HAS3: variants seen among roughly 807,000 people sequenced by gnomAD.
HAS3 encodes hyaluronan synthase 3.
Under a neutral mutation model 50.3 loss-of-function variants are expected in HAS3, and 27 were observed. The observed-to-expected ratio is 0.54, with a 90% CI of 0.40 to 0.74. HAS3 has a LOEUF of 0.74. Among genes scored for constraint, HAS3 ranks in the 30% least tolerant of loss-of-function variants. HAS3 has a pLI of 0.00. For synonymous variants in HAS3, 339 were observed against 310.9 expected, an observed-to-expected ratio of 1.09 and a Z score of -0.95; for missense variants, 517 against 742.8, an observed-to-expected ratio of 0.70 and a Z score of 3.53.
chr16:69,090,890 C>T, the HAS3 span, among the ~76,000 whole-genome samples: 1 of 152,130 alleles, frequency 6.6e-6, no homozygotes, highest in Non-Finnish European at 1.5e-5. Flanking sequence ...TATTAATTCC[C>T]TTGACCCTCA....
In HAS3 at chr16:69,113,478, CCAT is replaced by C; in HGVS notation, c.676_678del (p.Ile226del). The C allele has an allele frequency of 6.2e-7, 1 of 1,613,826 alleles. No homozygotes were observed. Among genetic ancestry groups the C allele is most frequent in the Non-Finnish European group, 8.5e-7 (1 of 1,179,860 alleles). ...GACACTGTGCTGGATCCAGCCTGCACCATCGAGATGCTTCGAGTCCTGGAGGAG... is the reference window on the plus strand; with the variant it reads ...GACACTGTGCTGGATCCAGCCTGCACCGAGATGCTTCGAGTCCTGGAGGAG... On this transcript the variant is annotated inframe_deletion, in exon 3 of 4. Coordinates refer to ENST00000569188, the MANE Select transcript of HAS3 (RefSeq NM_001199280.2).
the HAS3 span, chr16:69,083,491 A>C: frequency 2.5e-6 from 4 of 1,609,582 alleles, no homozygotes; most frequent in East Asian, 8.9e-5. Flanking sequence ...GCAGGTGCTG[A>C]GCGCCGTCCT....
chr16:69,104,490 G>A (rs1960735213), upstream of HAS3, among the ~76,000 whole-genome samples: 1 of 151,982 alleles, frequency 6.6e-6, no homozygotes, highest in African/African-American at 2.4e-5. Context: ...TAGAGATAGG[G>A]TTTCACCATA....
At chr16:69,101,341 C>CTGGAGT, upstream of HAS3, among the ~76,000 whole-genome samples, 1 of 152,286 alleles carries the variant, frequency 6.6e-6, no homozygotes, top group East Asian at 1.9e-4. Flanking sequence ...TACTCTGTCA[C>CTGGAGT]CCAGGCTGGA....
Position 69,109,362 on chromosome 16 carries a change from G to T in HAS3, c.1-34G>T, listed in dbSNP as rs747923933. The T allele has an allele frequency of 1.9e-6, 3 of 1,570,646 alleles. No homozygotes were observed. The highest frequency in any genetic ancestry group is 4.5e-5 in the East Asian group (2 of 44,634). ...CCACGGACTGGAAATGCTGCCTCCT[G>T]CCTGACCCTTCATCTCCTGCCTTCT... On this transcript the variant is annotated intron_variant, in intron 1 of 3. Transcript: ENST00000569188. The surrounding 1 kb of genome is among the most constrained non-coding windows in gnomAD (Gnocchi z 5.3).
chr16:69,112,589 C>G (rs1169499356), intron 2 of HAS3, among the ~76,000 whole-genome samples: 1 of 152,232 alleles, frequency 6.6e-6, no homozygotes, highest in Non-Finnish European at 1.5e-5. Flanking sequence ...TGTTGCTCTC[C>G]TAACAGTGAC....
At chr16:69,101,116 C>T (rs1960692460), upstream of HAS3, among the ~76,000 whole-genome samples, 1 of 152,264 alleles carries the variant, frequency 6.6e-6, no homozygotes, top group Admixed American at 6.5e-5. Context: ...GCAATCTACT[C>T]CTATCTTGCT....
chr16:69,100,117 C>T, the HAS3 span, among the ~76,000 whole-genome samples: 3 of 152,256 alleles, frequency 2.0e-5, no homozygotes, highest in East Asian at 5.8e-4. Flanking sequence ...CTAACGGCAG[C>T]ACAGGAAAGT....
Position 69,116,282 on chromosome 16 carries a change from T to A in HAS3, c.*1016T>A. 3.0e-6 allele frequency: 3 copies of A among 985,736 alleles called. No individual in the cohort carries two copies. Among genetic ancestry groups the A allele is most frequent in the Non-Finnish European group, 3.6e-6 (3 of 829,890 alleles). The allele number at this position is 985,736 out of a possible 1,614,324, so 61.1% of individuals were successfully genotyped here. On this transcript the variant is annotated 3_prime_UTR_variant, in exon 4 of 4. Transcript: ENST00000569188. ...TAGGTAAGGTTTTCAAGGTGGCAATTGGGGCGGAGCCCCGGCTCTTATAGA... is the reference window on the plus strand; with the variant it reads ...TAGGTAAGGTTTTCAAGGTGGCAATAGGGGCGGAGCCCCGGCTCTTATAGA...
upstream of HAS3, among the ~76,000 whole-genome samples, chr16:69,104,153 C>G (rs1045078627): frequency 6.6e-6 from 1 of 151,706 alleles, no homozygotes; most frequent in Non-Finnish European, 1.5e-5. Flanking sequence ...TGTAGTGGTT[C>G]GATCATAGCT....
chr16:69,104,745 A>G (rs1488075020), upstream of HAS3, among the ~76,000 whole-genome samples: 1 of 152,004 alleles, frequency 6.6e-6, no homozygotes, highest in Non-Finnish European at 1.5e-5. Context: ...TGCCTGGCCA[A>G]TAATGTAAGA....
the HAS3 span, among the ~76,000 whole-genome samples, chr16:69,090,849 A>G: frequency 6.6e-6 from 1 of 152,328 alleles, no homozygotes; most frequent in African/African-American, 2.4e-5. Flanking sequence ...CTGGGATTAC[A>G]GGTGTGAACC....
At chr16:69,101,206 G>A (rs962304835), upstream of HAS3, among the ~76,000 whole-genome samples, 7 of 152,152 alleles carry the variant, frequency 4.6e-5, no homozygotes, top group Non-Finnish European at 5.9e-5. Flanking sequence ...CCTCCACTCC[G>A]GTCCTAGCAT....
the HAS3 span, chr16:69,085,132 T>C: frequency 6.6e-6 from 1 of 152,392 alleles, no homozygotes; most frequent in Non-Finnish European, 1.5e-5. Flanking sequence ...GAATCTCCTT[T>C]GGGCCAGCTG....
chr16:69,118,198 A>G (rs1404247862), downstream of HAS3: 2 of 495,548 alleles, frequency 4.0e-6, no homozygotes, highest in African/African-American at 4.2e-5. Context: ...GATTGGGAGT[A>G]CCAGTGAAGA....
chr16:69,115,590 C>T lies in HAS3; in HGVS notation c.*324C>T. ...AGTTGTGCTAAACCAAGTTAAGTCC[C>T]ATTCAGTGGCAACTTGTGATAGGTA... On this transcript the variant is annotated 3_prime_UTR_variant, in exon 4 of 4. Transcript: ENST00000569188. The T allele has an allele frequency of 6.6e-6, 7 of 1,056,994 alleles. No homozygotes were observed. Among genetic ancestry groups the T allele is most frequent in the Non-Finnish European group, 8.0e-6 (7 of 876,420 alleles). 65.5% of individuals were successfully genotyped at this position (1,056,994 alleles called of 1,614,324 possible). A position where few individuals can be genotyped will look rare whatever the true frequency, so the allele number is the denominator to read the frequency against.
chr16:69,113,320 GGAAGTGAGTCATGTGT>G (rs1198487185), intron 2 of HAS3, 105 bp from the exon 3 acceptor site: 2 of 743,808 alleles, frequency 2.7e-6, no homozygotes, highest in Admixed American at 1.8e-5. Context: ...GCTAGAGGCT[GGAAGTGAGTCATGTGT>G]GAAGGGGTCA....
In HAS3 at chr16:69,109,931, G is replaced by T. The variant is rs749439912; in HGVS notation, c.536G>T (p.Arg179Leu). Reference sequence around the variant, plus strand: ...ATGGACCGTGTGCGGGATGTGGTGCGGGCCAGCACCTTCTCGTGCATCATG... The same window carrying T: ...ATGGACCGTGTGCGGGATGTGGTGCTGGCCAGCACCTTCTCGTGCATCATG... The part of the protein sequence containing the change: ...EGMDRVRDVV[R>L]ASTFSCIMQK... The change falls in exon 2 of 4, where the codon CGG becomes CTG. Residue 179 changes from arginine (R) to leucine (L), a missense_variant. Physicochemically the swap from Arg to Leu is moderately radical, Grantham distance 102. Coordinates refer to ENST00000569188, the MANE Select transcript of HAS3 (RefSeq NM_001199280.2). The surrounding 1 kb of genome is among the most constrained non-coding windows in gnomAD (Gnocchi z 5.3). 1.4e-5 allele frequency: 22 copies of T among 1,613,924 alleles called. No individual in the cohort carries two copies. The highest frequency in any genetic ancestry group is 1.9e-5 in the Non-Finnish European group (22 of 1,179,980).
chr16:69,118,573 T>C (rs1191033760), downstream of HAS3: 10 of 756,652 alleles, frequency 1.3e-5, no homozygotes, highest in Non-Finnish European at 2.4e-5. Context: ...TAAGAAACAA[T>C]GGGCAGAAAG....
Sources: allele counts gnomAD v4.1 joint callset (sites outside exome capture counted in the v4.1 genomes callset), GRCh38; gene constraint gnomAD v4.1.1; non-coding constraint Gnocchi (gnomAD v3.1); transcripts MANE v1.5; gene names NCBI Gene and HGNC (gene_info 2026-07-23, HGNC 2026-07-21).